RECQL5: variants seen among roughly 807,000 people sequenced by gnomAD.
RECQL5 encodes the protein ATP-dependent DNA helicase Q5.
In RECQL5, 88 loss-of-function variants were observed where a neutral mutation model predicts 103.4. The observed-to-expected ratio is 0.85, with a 90% CI of 0.72 to 1.02. The LOEUF is 1.02. RECQL5 is among the 50% of genes least tolerant of loss of function. RECQL5 has a pLI of 0.00. For synonymous variants in RECQL5, 552 were observed against 507.9 expected, an observed-to-expected ratio of 1.09 and a Z score of -1.17; for missense variants, 1,232 against 1,284.3, an observed-to-expected ratio of 0.96 and a Z score of 0.62.
rs1050709870 is a variant in RECQL5 at position 75,640,575 on chromosome 17, G to T, written c.1230-8907C>A. Among the ~76,000 whole-genome samples, 8 of 152,298 alleles carry T rather than the reference G, an allele frequency of 5.3e-5. No homozygotes were observed. In the East Asian group the frequency reaches 1.5e-3, roughly 29 times the overall value. On this transcript the variant is annotated intron_variant, in intron 8 of 19. Transcript: ENST00000317905. The surrounding 1 kb of genome is among the most constrained non-coding windows in gnomAD (Gnocchi z 4.6). ...CAAACGCGGGGATGACGGGAGCCAG[G>T]CTTGGGCAGTGAAAGAGAAGACACA...
chr17:75,629,947 C>T (rs1200608590), intron 14 of RECQL5, 105 bp from the exon 15 acceptor site: 1 of 1,434,392 alleles, frequency 7.0e-7, no homozygotes, highest in Non-Finnish European at 9.3e-7. Flanking sequence ...TTTCTGTGGC[C>T]AGTGGCCACA....
chr17:75,652,485 T>A (rs751404031), intron 7 of RECQL5: 1 of 152,172 alleles, frequency 6.6e-6, no homozygotes, highest in African/African-American at 2.4e-5. Context: ...GCATCCCAGA[T>A]GGGGCAGAGC....
intron 8 of RECQL5, chr17:75,633,332 C>T (rs2059256445): frequency 1.1e-6 from 1 of 885,450 alleles, no homozygotes; most frequent in Non-Finnish European, 1.5e-6. Flanking sequence ...CGGTTTCTCT[C>T]CACACAGCCT....
At chr17:75,628,617 C>T (rs1487971511) in intron 17 of RECQL5, 55 bp downstream of exon 17, 1 of 1,531,356 alleles carries the variant, frequency 6.5e-7, no homozygotes, top group Non-Finnish European at 8.7e-7. Context: ...ACAACAGCTC[C>T]TGGCCTCGCC....
At chr17:75,629,617 C>T in intron 15 of RECQL5, 91 bp downstream of exon 15, 3 of 1,512,390 alleles carry the variant, frequency 2.0e-6, no homozygotes, top group Non-Finnish European at 2.7e-6. Flanking sequence ...GGTGGGGAGC[C>T]AGGCCTTGGC....
chr17:75,657,688 G>GC, intron 7 of RECQL5, among the ~76,000 whole-genome samples: 1 of 149,510 alleles, frequency 6.7e-6, no homozygotes, highest in Non-Finnish European at 1.5e-5. Context: ...AGAGGCTGCT[G>GC]TGAACCATGA....
intron 2 of RECQL5, 125 bp from the exon 3 acceptor site, chr17:75,665,297 T>A: frequency 1.2e-6 from 1 of 809,902 alleles, no homozygotes; most frequent in Non-Finnish European, 1.9e-6. Flanking sequence ...GGTCTCGATG[T>A]AATCCTAATT....
chr17:75,630,622 T>A lies in RECQL5; in HGVS notation c.1715A>T (p.Asp572Val). 1 of 1,613,588 alleles carries A rather than the reference T, an allele frequency of 6.2e-7. No individual in the cohort carries two copies. Among genetic ancestry groups the A allele is most frequent in the South Asian group, 1.1e-5 (1 of 91,082 alleles). ...SSNRQSTRTA[D>V]EADLRAKAVE... ...GCCCAGTGATCGTGGAACTCACTCA[T>A]CAGCGGTACGTGTTGACTGGCGGTT... Residue 572 changes from aspartate to valine, a missense_variant, in exon 13 of 20, where the codon GAT becomes GTT. Asp to Val is a radical substitution (Grantham distance 152). Transcript: ENST00000317905.
chr17:75,666,800 C>T (rs1301911213), intron 1 of RECQL5: 1 of 511,060 alleles, frequency 2.0e-6, no homozygotes, highest in Non-Finnish European at 3.5e-6. Context: ...CTATTCCAGG[C>T]CACGGTATAG....
Position 75,640,925 on chromosome 17 carries a change from G to C in RECQL5, c.1230-9257C>G, listed in dbSNP as rs1449044720. 6.5e-7 allele frequency: 1 copy of C among 1,538,334 alleles called. No individual in the cohort carries two copies. Among genetic ancestry groups the C allele is most frequent in the Admixed American group, 2.0e-5 (1 of 50,972 alleles). The stretch of plus-strand genomic sequence containing the variant: ...GACGGGCGATGGCTGAGGAGAAGCT[G>C]GAGAGGAGATGGCCAATGCCATGAC... On this transcript the variant is annotated intron_variant, in intron 8 of 19. Transcript: ENST00000317905. This position sits in a 1 kb window ranked among gnomAD's most constrained non-coding sequence, Gnocchi z 4.6.
At chr17:75,635,082 A>G (rs958935674) in intron 8 of RECQL5, among the ~76,000 whole-genome samples, 1 of 152,114 alleles carries the variant, frequency 6.6e-6, no homozygotes, top group African/African-American at 2.4e-5. Context: ...ACCACCCCCC[A>G]TATGTTTTCC....
chr17:75,650,553 C>A, intron 8 of RECQL5: 1 of 1,527,266 alleles, frequency 6.5e-7, no homozygotes, highest in Admixed American at 2.0e-5. Context: ...CGTCATCCGA[C>A]AGGATCATTC....
chr17:75,645,218 TG>T (rs945368831), intron 8 of RECQL5, among the ~76,000 whole-genome samples: 1 of 152,252 alleles, frequency 6.6e-6, no homozygotes, highest in African/African-American at 2.4e-5. Flanking sequence ...TTAGTTATCA[TG>T]TCTGCATCTT....
intron 8 of RECQL5, among the ~76,000 whole-genome samples, chr17:75,648,225 A>G (rs780703434): frequency 6.6e-6 from 1 of 151,868 alleles, no homozygotes; most frequent in African/African-American, 2.4e-5. Context: ...ACTTTACTCT[A>G]TGGCCTAGTT....
chr17:75,634,607 G>A (rs532466252), intron 8 of RECQL5, among the ~76,000 whole-genome samples: 1 of 152,328 alleles, frequency 6.6e-6, no homozygotes, highest in Admixed American at 6.5e-5. Context: ...GCCCTGTCGA[G>A]GTCAGCGCAG....
Position 75,637,615 on chromosome 17 carries a change from TA to T in RECQL5, c.1230-5948del, listed in dbSNP as rs1290877319. 4.6e-5 allele frequency: 7 copies of T among 152,284 alleles called. No homozygotes were observed. In the East Asian group the frequency reaches 1.3e-3, roughly 29 times the overall value. 9.4% of individuals were successfully genotyped at this position (152,284 alleles called of 1,614,324 possible). A position where few individuals can be genotyped will look rare whatever the true frequency, so the allele number is the denominator to read the frequency against. ...AGGCTGGCTAGACTCACAAGACCTG[TA>T]CCTGTGGTGACAAGGACTCCAGGTA... On this transcript the variant is annotated intron_variant, in intron 8 of 19. Coordinates refer to ENST00000317905, the MANE Select transcript of RECQL5 (RefSeq NM_004259.7).
At chr17:75,630,724 C>A in intron 12 of RECQL5, 32 bp from the exon 13 acceptor site, 1 of 1,608,406 alleles carries the variant, frequency 6.2e-7, no homozygotes, top group Non-Finnish European at 8.5e-7. Flanking sequence ...GGTCGCATGG[C>A]CTCGCGGCTG....
chr17:75,647,723 T>C (rs2059506568), intron 8 of RECQL5: 3 of 714,754 alleles, frequency 4.2e-6, no homozygotes, highest in Non-Finnish European at 7.0e-6. Context: ...TGTATCTGGC[T>C]TAGGGTTGGT....
chr17:75,647,658 A>G (rs1307486736), intron 8 of RECQL5: 14 of 1,230,870 alleles, frequency 1.1e-5, no homozygotes, highest in Non-Finnish European at 1.5e-5. Context: ...CCTCTGGCTC[A>G]GGGGCCAAGC....
Sources: allele counts gnomAD v4.1 joint callset (sites outside exome capture counted in the v4.1 genomes callset), GRCh38; gene constraint gnomAD v4.1.1; non-coding constraint Gnocchi (gnomAD v3.1); transcripts MANE v1.5; gene names NCBI Gene and HGNC (gene_info 2026-07-23, HGNC 2026-07-21).